TMCC1: variants seen among roughly 807,000 people sequenced by gnomAD.
The protein encoded by TMCC1 is transmembrane and coiled-coil domains protein 1.
Under a neutral mutation model 52.4 loss-of-function variants are expected in TMCC1, and 15 were observed. The observed-to-expected ratio is 0.29, with a 90% CI of 0.19 to 0.44. TMCC1 has a LOEUF of 0.44. TMCC1 is among the 20% of genes least tolerant of loss of function. The pLI is 1.00. For synonymous variants in TMCC1, 279 were observed against 301.9 expected, an observed-to-expected ratio of 0.92 and a Z score of 0.79; for missense variants, 503 against 806.0, an observed-to-expected ratio of 0.62 and a Z score of 4.55.
At chr3:129,679,124 C>T (rs991460446) in intron 4 of TMCC1, among the ~76,000 whole-genome samples, 23 of 152,150 alleles carry the variant, frequency 1.5e-4, no homozygotes, top group Non-Finnish European at 5.9e-5. Context: ...GCTACAGTGG[C>T]CTCCCCTGTT....
chr3:129,653,029 A>T (rs1211140730), intron 6 of TMCC1, among the ~76,000 whole-genome samples: 1 of 152,208 alleles, frequency 6.6e-6, no homozygotes, highest in East Asian at 1.9e-4. Flanking sequence ...GGCTTTTCCA[A>T]ACATGGAATA....
intron 2 of TMCC1, among the ~76,000 whole-genome samples, chr3:129,843,001 C>T (rs893838734): frequency 6.6e-6 from 1 of 151,964 alleles, no homozygotes; most frequent in Non-Finnish European, 1.5e-5. Context: ...GACCTAAAAC[C>T]AACAACCTAG....
rs570514867 is a variant in TMCC1, at chr3:129,760,499, T to C, written c.576+67304A>G. 1.3e-4 allele frequency among the ~76,000 whole-genome samples: 19 copies of C among 150,564 alleles called. No individual in the cohort carries two copies. In the East Asian group the frequency reaches 3.7e-3, roughly 30 times the overall value. On this transcript the variant is annotated intron_variant, in intron 4 of 6. Transcript: ENST00000393238. ...GTGTGTGTGTGTGTGTGTGTGTTTT[T>C]GAGACAGTCTCGCTCTGTTGCCCAG...
intron 4 of TMCC1, among the ~76,000 whole-genome samples, chr3:129,724,130 A>G (rs965319290): frequency 6.6e-6 from 1 of 152,128 alleles, no homozygotes; most frequent in African/African-American, 2.4e-5. Flanking sequence ...ACAAAGCAGT[A>G]TCACTGTAAT....
At chr3:129,742,079 ACT>A (rs765010092) in intron 4 of TMCC1, among the ~76,000 whole-genome samples, 59 of 152,132 alleles carry the variant, frequency 3.9e-4, no homozygotes, top group Non-Finnish European at 7.1e-4. Flanking sequence ...TAAATCTAAA[ACT>A]CTCGTAAGAA....
chr3:129,872,916 A>ATT (rs1359318304), intron 2 of TMCC1, among the ~76,000 whole-genome samples: 5 of 143,762 alleles, frequency 3.5e-5, no homozygotes, highest in Non-Finnish European at 6.1e-5. Flanking sequence ...TACGCATGGA[A>ATT]TTTTTTTTTT....
At chr3:129,652,109 C>A (rs2086367281) in intron 6 of TMCC1, among the ~76,000 whole-genome samples, 1 of 152,168 alleles carries the variant, frequency 6.6e-6, no homozygotes, top group Admixed American at 6.5e-5. Context: ...GAAAATTAAT[C>A]TAAGTTGCAC....
At chr3:129,819,080 CTT>C (rs1040765406) in intron 4 of TMCC1, 1 of 151,684 alleles carries the variant, frequency 6.6e-6, no homozygotes, top group African/African-American at 2.5e-5. Context: ...CATTCTTTTT[CTT>C]TCTTTCTTTT....
chr3:129,828,969 A>C lies in TMCC1; in HGVS notation c.-130-461T>G, dbSNP rs865966719. On this transcript the variant is annotated intron_variant, in intron 3 of 6. Coordinates refer to ENST00000393238, the MANE Select transcript of TMCC1 (RefSeq NM_001017395.5). The surrounding 1 kb of genome is among the most constrained non-coding windows in gnomAD (Gnocchi z 4.1). The stretch of plus-strand genomic sequence containing the variant: ...AGGCTGAAACTCAGTATAATCAAAG[A>C]ACAACAGTGAGAAATGGATATCCCA... Among the ~76,000 whole-genome samples the C allele has an allele frequency of 6.6e-6, 1 of 152,210 alleles. No homozygotes were observed. Among genetic ancestry groups the C allele is most frequent in the African/African-American group, 2.4e-5 (1 of 41,462 alleles).
At chr3:129,873,425 T>C (rs2061029972) in intron 2 of TMCC1, among the ~76,000 whole-genome samples, 3 of 149,002 alleles carry the variant, frequency 2.0e-5, no homozygotes, top group Admixed American at 1.3e-4. Context: ...CTCACACTCA[T>C]AATCCCAGCA....
At chr3:129,803,939 A>G (rs562913728) in intron 4 of TMCC1, among the ~76,000 whole-genome samples, 3 of 152,318 alleles carry the variant, frequency 2.0e-5, no homozygotes, top group South Asian at 4.1e-4. Context: ...AGAACACTAA[A>G]TGAAATAATT....
intron 4 of TMCC1, among the ~76,000 whole-genome samples, chr3:129,731,684 T>A (rs964116385): frequency 4.6e-5 from 7 of 152,130 alleles, no homozygotes; most frequent in African/African-American, 1.2e-4. Flanking sequence ...GCCCAAAATT[T>A]TTTTACACAG....
intron 4 of TMCC1, among the ~76,000 whole-genome samples, chr3:129,791,251 G>A (rs1341084060): frequency 2.0e-5 from 3 of 151,824 alleles, no homozygotes; most frequent in African/African-American, 7.3e-5. Flanking sequence ...CCGCCACCAC[G>A]TCCGGCTAAT....
chr3:129,880,080 C>T (rs558559294), intron 2 of TMCC1, among the ~76,000 whole-genome samples: 121 of 152,000 alleles, frequency 8.0e-4, no homozygotes, highest in African/African-American at 2.6e-3. Context: ...AGTCTAATCC[C>T]GTGTCTAATA....
intron 4 of TMCC1, among the ~76,000 whole-genome samples, chr3:129,786,874 C>A (rs1000367354): frequency 2.0e-5 from 3 of 152,202 alleles, no homozygotes; most frequent in Non-Finnish European, 4.4e-5. Context: ...AAATCTACAT[C>A]TTCTCAAGTG....
At chr3:129,852,481 A>AT (rs2059960173) in intron 2 of TMCC1, among the ~76,000 whole-genome samples, 1 of 149,100 alleles carries the variant, frequency 6.7e-6, no homozygotes, top group Non-Finnish European at 1.5e-5. Context: ...AAAAAAAAAA[A>AT]GGAAGAAAAT....
At chr3:129,875,695 A>T (rs1467451866) in intron 2 of TMCC1, among the ~76,000 whole-genome samples, 13 of 151,730 alleles carry the variant, frequency 8.6e-5, no homozygotes, top group Non-Finnish European at 1.3e-4. Flanking sequence ...AGCAATACAT[A>T]TTTTTTTTAA....
intron 4 of TMCC1, among the ~76,000 whole-genome samples, chr3:129,774,207 G>A (rs2054839534): frequency 6.6e-6 from 1 of 152,164 alleles, no homozygotes; most frequent in Non-Finnish European, 1.5e-5. Flanking sequence ...CATATACACT[G>A]CTGGGTCATG....
chr3:129,751,686 G>A (rs1193185055), intron 4 of TMCC1, among the ~76,000 whole-genome samples: 1 of 151,928 alleles, frequency 6.6e-6, no homozygotes, highest in Non-Finnish European at 1.5e-5. Context: ...TCAGCCTCCT[G>A]AGTAGCTGGG....
Sources: gnomAD v4.1 joint callset for allele counts (sites outside exome capture counted in the v4.1 genomes callset) on GRCh38, gnomAD v4.1.1 for gene constraint, Gnocchi (gnomAD v3.1) non-coding constraint, MANE v1.5 for transcripts, NCBI Gene and HGNC (gene_info 2026-07-23, HGNC 2026-07-21) for gene names.